TBC1D3B: variants seen among roughly 807,000 people sequenced by gnomAD.
TBC1D3B encodes Rab GTPase-activating protein PRC17 duplicate.
A neutral mutation model predicts 27.1 loss-of-function variants in TBC1D3B; 2 were observed. The ratio of observed to expected loss-of-function variants is 0.07; its 90% CI spans 0.03 to 0.23. The LOEUF is 0.23. TBC1D3B is among the 10% of genes least tolerant of loss of function. The pLI, the probability that TBC1D3B is intolerant of heterozygous loss-of-function variation, is 1.00. For synonymous variants in TBC1D3B, 3 were observed against 150.1 expected (o/e 0.02, Z 7.16); for missense variants, 17 against 401.3 (o/e 0.04, Z 8.18).
intron 7 of TBC1D3B, among the ~76,000 whole-genome samples, chr17:36,170,898 C>T (rs1285556774): frequency 7.3e-3 from 653 of 89,204 alleles, no homozygotes; most frequent in African/African-American, 0.017. Flanking sequence ...AGTTCCTCCA[C>T]GGTTCCAAAC....
intron 1 of TBC1D3B, 95 bp from the exon 2 acceptor site, chr17:36,175,146 G>A (rs2142179851): frequency 2.3e-6 from 1 of 440,304 alleles, no homozygotes; most frequent in Admixed American, 2.6e-5. Flanking sequence ...CTGGCTGGCT[G>A]CGTAACCCCC....
At chr17:36,168,982 G>C in intron 10 of TBC1D3B, 98 bp downstream of exon 10, 1 of 1,342,282 alleles carries the variant, frequency 7.4e-7, no homozygotes, top group Non-Finnish European at 1.1e-6. Flanking sequence ...CTGGGACTCA[G>C]CCAGTCACCA....
chr17:36,171,343 G>T (rs1204750258), intron 7 of TBC1D3B, among the ~76,000 whole-genome samples: 33 of 151,248 alleles, frequency 2.2e-4, no homozygotes, highest in African/African-American at 7.7e-4. Context: ...CAAATCAGTG[G>T]GTTCAATATC....
At position 36,175,514 on chromosome 17, in the gene TBC1D3B, G is replaced by A. The variant is rs1439809200; in HGVS notation, c.-1-463C>T. Reference sequence around the variant, plus strand: ...GGAACAAGATCTCTCCCGACTGCTCGGTTCTACTCCGCTCATCACTTTGGC... The same window carrying A: ...GGAACAAGATCTCTCCCGACTGCTCAGTTCTACTCCGCTCATCACTTTGGC... On this transcript the variant is annotated intron_variant, in intron 1 of 13. Transcript: ENST00000611257. Among the ~76,000 whole-genome samples the A allele has an allele frequency of 4.9e-3, 513 of 103,756 alleles. 1 individual carries two copies. The highest frequency in any genetic ancestry group is 0.014 in the African/African-American group (487 of 34,196). The allele number at this position is 103,756 out of a possible 152,430, so 68.1% of individuals were successfully genotyped here. A position where few individuals can be genotyped will look rare whatever the true frequency, so the allele number is the denominator to read the frequency against.
chr17:36,171,271 T>A (rs1424128855), intron 7 of TBC1D3B, among the ~76,000 whole-genome samples: 1 of 150,876 alleles, frequency 6.6e-6, no homozygotes, highest in Non-Finnish European at 1.5e-5. Context: ...AGGCTCCGTG[T>A]GTGAGTGACG....
At chr17:36,166,987 C>G (rs2068265232) in intron 13 of TBC1D3B, among the ~76,000 whole-genome samples, 1 of 86,038 alleles carries the variant, frequency 1.2e-5, no homozygotes, top group Non-Finnish European at 3.8e-5. Flanking sequence ...CCTGGGCTGC[C>G]CAGTCCATGC....
chr17:36,171,529 G>T (rs2068356221), intron 7 of TBC1D3B, among the ~76,000 whole-genome samples: 1 of 151,188 alleles, frequency 6.6e-6, no homozygotes, highest in Non-Finnish European at 1.5e-5. Context: ...GGGCTCATGG[G>T]CCCTCTATCC....
At chr17:36,167,210 G>A (rs2068269278) in intron 13 of TBC1D3B, among the ~76,000 whole-genome samples, 1 of 78,850 alleles carries the variant, frequency 1.3e-5, no homozygotes, top group Non-Finnish European at 4.2e-5. Flanking sequence ...TTGCAGGGAG[G>A]GGCGGGGTCT....
At chr17:36,171,408 C>T (rs1437306823) in intron 7 of TBC1D3B, among the ~76,000 whole-genome samples, 1 of 150,988 alleles carries the variant, frequency 6.6e-6, no homozygotes, top group African/African-American at 2.4e-5. Context: ...GAGCCACTGC[C>T]CAACTGGCTG....
chr17:36,169,298 G>T, intron 9 of TBC1D3B, 124 bp from the exon 10 acceptor site: 1 of 1,507,614 alleles, frequency 6.6e-7, no homozygotes, highest in Non-Finnish European at 9.2e-7. Context: ...CTCCCATCTG[G>T]TGACCCCAAC....
At chr17:36,170,878 G>C (rs1171869822) in intron 7 of TBC1D3B, among the ~76,000 whole-genome samples, 1 of 92,416 alleles carries the variant, frequency 1.1e-5, no homozygotes, top group African/African-American at 2.6e-5. Context: ...AGTTCAGTCT[G>C]TGGGTGTACA....
intron 9 of TBC1D3B, among the ~76,000 whole-genome samples, chr17:36,169,431 G>A (rs2142168388): frequency 6.7e-6 from 1 of 149,582 alleles, no homozygotes; most frequent in Non-Finnish European, 1.5e-5. Context: ...GCCACGACAG[G>A]GTGGCCGGAA....
chr17:36,165,791 G>A lies in TBC1D3B; in HGVS notation c.*204C>T. 2 of 937,356 alleles carry A rather than the reference G, an allele frequency of 2.1e-6. No homozygotes were observed. Among genetic ancestry groups the A allele is most frequent in the South Asian group, 3.2e-5 (2 of 61,950 alleles). The allele number at this position is 937,356 out of a possible 1,614,324, so 58.1% of individuals were successfully genotyped here. A position where few individuals can be genotyped will look rare whatever the true frequency, so the allele number is the denominator to read the frequency against. On this transcript the variant is annotated 3_prime_UTR_variant, in exon 14 of 14. Transcript: ENST00000611257. ...GTCAGAATTCAGAACGATGGTCGTG[G>A]GGCTTGGGGTGCTGGGAGGGGCTGG...
intron 7 of TBC1D3B, among the ~76,000 whole-genome samples, chr17:36,170,860 C>G (rs1353455465): frequency 1.1e-5 from 1 of 94,736 alleles, no homozygotes; most frequent in African/African-American, 2.6e-5. Flanking sequence ...TCAGTTTGCA[C>G]ACACGCCAGT....
chr17:36,171,495 T>C (rs1464091313), intron 7 of TBC1D3B, among the ~76,000 whole-genome samples: 1 of 151,312 alleles, frequency 6.6e-6, no homozygotes, highest in African/African-American at 2.4e-5. Flanking sequence ...TCCCAGCATT[T>C]GGTGCTGTCA....
Position 36,165,986 on chromosome 17 carries a change from C to T in TBC1D3B, c.*9G>A, listed in dbSNP as rs1428377815. The T allele has an allele frequency of 8.7e-7, 1 of 1,149,678 alleles. No individual in the cohort carries two copies. The highest frequency in any genetic ancestry group is 1.3e-6 in the Non-Finnish European group (1 of 791,820). 71.2% of individuals were successfully genotyped at this position (1,149,678 alleles called of 1,614,324 possible). On this transcript the variant is annotated 3_prime_UTR_variant, in exon 14 of 14. Coordinates refer to ENST00000611257, the MANE Select transcript of TBC1D3B (RefSeq NM_001001417.7). ...AATTATCCAGCCATGAGCCCTGGCC[C>T]AGATGCTTCTAGAAGCCTGGAGGGA...
At chr17:36,169,446 G>A (rs1176841110) in intron 9 of TBC1D3B, among the ~76,000 whole-genome samples, 1 of 149,796 alleles carries the variant, frequency 6.7e-6, no homozygotes, top group Non-Finnish European at 1.5e-5. Context: ...CCGGAACTGG[G>A]TGGGCGCTGG....
At chr17:36,170,796 A>T (rs1384946391) in intron 7 of TBC1D3B, among the ~76,000 whole-genome samples, 193 bp from the exon 8 acceptor site, 1 of 80,702 alleles carries the variant, frequency 1.2e-5, no homozygotes, top group Non-Finnish European at 4.3e-5. Context: ...CAAATAGCCC[A>T]GTTGTACAGT....
chr17:36,167,905 G>C (rs2068285217), intron 12 of TBC1D3B, among the ~76,000 whole-genome samples, 162 bp downstream of exon 12: 1 of 113,702 alleles, frequency 8.8e-6, no homozygotes, highest in African/African-American at 2.5e-5. Context: ...GGTCATGTGA[G>C]GGATGGGCTC....
Sources: gnomAD v4.1 joint callset for allele counts (sites outside exome capture counted in the v4.1 genomes callset) on GRCh38, gnomAD v4.1.1 for gene constraint, MANE v1.5 for transcripts, NCBI Gene and HGNC (gene_info 2026-07-23, HGNC 2026-07-21) for gene names.